NWD2: variants seen among roughly 807,000 people sequenced by gnomAD.
NWD2 encodes the protein NACHT and WD repeat domain containing 2, also known as NACHT and WD repeat domain-containing protein 2.
NWD2 carries 37 observed loss-of-function variants against 132.7 expected under a neutral mutation model. That is an observed-to-expected ratio of 0.28 (90% CI 0.21 to 0.37). The LOEUF (loss-of-function observed/expected upper bound fraction) is 0.37, where lower values mean the gene tolerates loss of function less well. NWD2 is among the 10% of genes least tolerant of loss of function. The pLI is 1.00. For synonymous variants in NWD2, 705 were observed against 803.0 expected (o/e 0.88, Z 2.06); for missense variants, 1,592 against 2,122.4 (o/e 0.75, Z 4.91).
intron 1 of NWD2, among the ~76,000 whole-genome samples, chr4:37,283,802 C>T (rs1718174864): frequency 6.6e-6 from 1 of 151,954 alleles, no homozygotes; most frequent in Admixed American, 6.6e-5. Context: ...TATTTAGGGC[C>T]ATTCTGTGTG....
chr4:37,264,670 A>C (rs1717712540), intron 1 of NWD2, among the ~76,000 whole-genome samples: 1 of 152,200 alleles, frequency 6.6e-6, no homozygotes, highest in African/African-American at 2.4e-5. Context: ...AGTAAAATGT[A>C]AAAATGAGTC....
At chr4:37,249,426 C>G (rs1384418113) in intron 1 of NWD2, among the ~76,000 whole-genome samples, 1 of 152,196 alleles carries the variant, frequency 6.6e-6, no homozygotes, top group African/African-American at 2.4e-5. Flanking sequence ...ACAGGCTTTA[C>G]TCCCAGTCAT....
chr4:37,258,937 C>A (rs1381909699), intron 1 of NWD2, among the ~76,000 whole-genome samples: 1 of 152,168 alleles, frequency 6.6e-6, no homozygotes, highest in African/African-American at 2.4e-5. Context: ...TCAAGGCAGA[C>A]CCATGCTGTG....
intron 2 of NWD2, among the ~76,000 whole-genome samples, chr4:37,353,074 G>T (rs1169489063): frequency 2.6e-5 from 4 of 152,136 alleles, no homozygotes; most frequent in African/African-American, 9.7e-5. Flanking sequence ...CTCAGCATTT[G>T]CTTGTTTGTA....
chr4:37,363,968 CA>C (rs112086576), intron 3 of NWD2, among the ~76,000 whole-genome samples: 88 of 142,198 alleles, frequency 6.2e-4, no homozygotes, highest in African/African-American at 1.9e-3. Context: ...ACTAAAAATA[CA>C]AAAAAAAAAA....
chr4:37,327,237 A>C (rs1382963513), intron 2 of NWD2, among the ~76,000 whole-genome samples: 4 of 152,146 alleles, frequency 2.6e-5, no homozygotes, highest in African/African-American at 9.7e-5. Flanking sequence ...TTGTTTTTGC[A>C]TCATTTTTGT....
intron 1 of NWD2, among the ~76,000 whole-genome samples, chr4:37,311,085 A>G (rs1718831600): frequency 6.6e-6 from 1 of 152,094 alleles, no homozygotes; most frequent in Non-Finnish European, 1.5e-5. Context: ...ATAGTGCCAC[A>G]ATAAACATAC....
intron 2 of NWD2, among the ~76,000 whole-genome samples, chr4:37,334,660 G>T (rs984372498): frequency 2.0e-5 from 3 of 152,124 alleles, no homozygotes; most frequent in Non-Finnish European, 4.4e-5. Context: ...GTTAGGACAG[G>T]GACCTCTAAA....
chr4:37,438,416 C>T (rs1014224084), intron 5 of NWD2, among the ~76,000 whole-genome samples: 1 of 152,178 alleles, frequency 6.6e-6, no homozygotes, highest in African/African-American at 2.4e-5. Flanking sequence ...CAGCCTCCTC[C>T]TCTTTCTTTC....
chr4:37,420,005 T>C (rs577019022), intron 3 of NWD2, among the ~76,000 whole-genome samples: 1 of 152,356 alleles, frequency 6.6e-6, no homozygotes, highest in African/African-American at 2.4e-5. Flanking sequence ...TGTTTCCTAG[T>C]TTCCTAGAAA....
chr4:37,254,553 G>C (rs887273729), intron 1 of NWD2, among the ~76,000 whole-genome samples: 1 of 152,150 alleles, frequency 6.6e-6, no homozygotes, highest in African/African-American at 2.4e-5. Context: ...TAGGTACTGA[G>C]ATATGCAATC....
intron 1 of NWD2, among the ~76,000 whole-genome samples, chr4:37,313,907 A>T (rs1340085449): frequency 6.6e-6 from 1 of 151,202 alleles, no homozygotes; most frequent in East Asian, 1.9e-4. Flanking sequence ...CATGTTGGCC[A>T]GGCTGGTCTC....
chr4:37,370,330 A>G (rs906362129), intron 3 of NWD2, among the ~76,000 whole-genome samples: 2 of 152,236 alleles, frequency 1.3e-5, no homozygotes, highest in Admixed American at 6.5e-5. Flanking sequence ...TTCCAAACCT[A>G]TAGTTAAGAT....
Position 37,444,328 on chromosome 4 carries a change from C to T in NWD2, c.2340C>T (p.Pro780=). 6 of 1,551,806 alleles carry T rather than the reference C, an allele frequency of 3.9e-6. No homozygotes were observed. Among genetic ancestry groups the T allele is most frequent in the Non-Finnish European group, 5.2e-6 (6 of 1,147,008 alleles). ...GGAAAGCCTTCTGCCTTGAGGACCC[C>T]TACTTGAATGGCTGCCTTGACTTGG... ...GRRKAFCLED[P]YLNGCLDLEN... is the part of the protein sequence containing the mutation. Residue 780 remains proline (P), a synonymous_variant, in exon 7 of 7, where the codon CCC becomes CCT. Coordinates refer to ENST00000309447, the MANE Select transcript of NWD2 (RefSeq NM_001144990.2). The surrounding 1 kb of genome is among the most constrained non-coding windows in gnomAD (Gnocchi z 4.8).
chr4:37,408,411 C>T (rs899484235), intron 3 of NWD2, among the ~76,000 whole-genome samples: 5 of 152,174 alleles, frequency 3.3e-5, no homozygotes, highest in Non-Finnish European at 5.9e-5. Flanking sequence ...TAAACAAAGC[C>T]GCTGGAAAGT....
chr4:37,276,194 T>C (rs1718008379), intron 1 of NWD2, among the ~76,000 whole-genome samples: 1 of 152,164 alleles, frequency 6.6e-6, no homozygotes, highest in Admixed American at 6.5e-5. Context: ...TTTTGCAATC[T>C]ACTCATCTGA....
intron 3 of NWD2, among the ~76,000 whole-genome samples, chr4:37,426,597 AG>A (rs1712014664): frequency 1.3e-5 from 2 of 152,180 alleles, no homozygotes; most frequent in Non-Finnish European, 1.5e-5. Context: ...TCTGTGGTCC[AG>A]GCTCTGCCCC....
chr4:37,394,817 T>TTTG (rs1720753300), intron 3 of NWD2, among the ~76,000 whole-genome samples: 3 of 128,236 alleles, frequency 2.3e-5, no homozygotes, highest in East Asian at 2.2e-4. Flanking sequence ...TTTTTTTTTT[T>TTTG]TTTTTTTTTT....
intron 3 of NWD2, among the ~76,000 whole-genome samples, chr4:37,369,602 C>T (rs1283306263): frequency 2.0e-5 from 3 of 152,106 alleles, no homozygotes; most frequent in African/African-American, 4.8e-5. Context: ...TCAGTGTGGA[C>T]CATCAAAATT....
Sources: gnomAD v4.1 joint callset for allele counts (sites outside exome capture counted in the v4.1 genomes callset) on GRCh38, gnomAD v4.1.1 for gene constraint, Gnocchi (gnomAD v3.1) non-coding constraint, MANE v1.5 for transcripts, NCBI Gene and HGNC (gene_info 2026-07-23, HGNC 2026-07-21) for gene names.